The following PIP4K2B variants were observed in gnomAD, a reference collection of about 807,000 sequenced individuals.
PIP4K2B encodes phosphatidylinositol-5-phosphate 4-kinase type 2 beta.
PIP4K2B carries 3 observed loss-of-function variants against 42.0 expected under a neutral mutation model. The observed-to-expected ratio is 0.07, with a 90% CI of 0.03 to 0.18. PIP4K2B has a LOEUF of 0.18. Ranked by LOEUF, PIP4K2B falls within the 10% of genes least tolerant of loss-of-function variation. The probability of loss-of-function intolerance (pLI) is 1.00; values close to 1 mark genes in which losing one functional copy is unlikely to be tolerated. For missense variants in PIP4K2B, 332 were observed against 562.3 expected (o/e 0.59, Z 4.14); for synonymous variants, 204 against 210.1 (o/e 0.97, Z 0.25).
chr17:38,770,372 G>A (rs1274697934), intron 9 of PIP4K2B, 64 bp downstream of exon 9: 2 of 936,032 alleles, frequency 2.1e-6, no homozygotes, highest in East Asian at 2.4e-5. Context: ...CCTCCCTGGG[G>A]TCTGAGGGTA....
intron 6 of PIP4K2B, 111 bp downstream of exon 6, chr17:38,778,223 G>A (rs181411510): frequency 3.0e-5 from 28 of 920,898 alleles, no homozygotes; most frequent in Admixed American, 1.7e-4. Context: ...GTTGACAGAC[G>A]GCATGTCTGG....
chr17:38,774,449 T>C (rs1453952953), intron 7 of PIP4K2B, among the ~76,000 whole-genome samples: 1 of 152,138 alleles, frequency 6.6e-6, no homozygotes, highest in East Asian at 1.9e-4. Context: ...TTGGTATCCA[T>C]AATCCCATGA....
intron 3 of PIP4K2B, 126 bp downstream of exon 3, chr17:38,784,117 G>A (rs1909865728): frequency 9.6e-6 from 6 of 626,576 alleles, no homozygotes. Flanking sequence ...CGCCTGGGCT[G>A]GAGCAAGGCA....
chr17:38,798,557 C>T (rs1910770402), intron 1 of PIP4K2B, among the ~76,000 whole-genome samples: 1 of 152,200 alleles, frequency 6.6e-6, no homozygotes, highest in Admixed American at 6.5e-5. Context: ...CCTTCAAAAA[C>T]TATGGGAAGA....
At chr17:38,774,124 C>T (rs28648053) in intron 7 of PIP4K2B, among the ~76,000 whole-genome samples, 2 of 152,198 alleles carry the variant, frequency 1.3e-5, no homozygotes, top group African/African-American at 4.8e-5. Context: ...TGGAAGCAAC[C>T]TAAGTGTGAT....
chr17:38,795,099 CAAAAAAAA>C (rs61707682), intron 1 of PIP4K2B, among the ~76,000 whole-genome samples: 214 of 41,522 alleles, frequency 5.2e-3, no homozygotes, highest in African/African-American at 0.017. Flanking sequence ...AACTCCATCT[CAAAAAAAA>C]AAAAAAAAAA....
intron 1 of PIP4K2B, among the ~76,000 whole-genome samples, chr17:38,791,040 G>C (rs1311447798): frequency 3.9e-5 from 6 of 152,042 alleles, no homozygotes; most frequent in Admixed American, 1.3e-4. Context: ...ACATGCAAAA[G>C]AAACAGGAGG....
intron 1 of PIP4K2B, among the ~76,000 whole-genome samples, chr17:38,788,985 C>A (rs957363418): frequency 6.6e-6 from 1 of 151,386 alleles, no homozygotes; most frequent in Non-Finnish European, 1.5e-5. Context: ...CAGGCATAGT[C>A]GTGTACACCT....
At chr17:38,792,581 T>C (rs1410490121) in intron 1 of PIP4K2B, 1 of 152,240 alleles carries the variant, frequency 6.6e-6, no homozygotes, top group Non-Finnish European at 1.5e-5. Flanking sequence ...ATAGGAATTG[T>C]TACCTAGGAT....
Position 38,786,841 on chromosome 17 carries a change from T to A in PIP4K2B, c.239A>T (p.Asp80Val). The A allele has an allele frequency of 6.2e-7, 1 of 1,608,794 alleles. No homozygotes were observed. Among genetic ancestry groups the A allele is most frequent in the Non-Finnish European group, 8.5e-7 (1 of 1,175,112 alleles). Reference sequence around the variant, plus strand: ...AACTTACTTATTGAAGAGATGATTGTCCACCTTGATCTTGCTGTAGGCTTT... The same window carrying A: ...AACTTACTTATTGAAGAGATGATTGACCACCTTGATCTTGCTGTAGGCTTT... ...DFKAYSKIKV[D>V]NHLFNKENLP... Residue 80 changes from aspartate to valine, a missense_variant, in exon 2 of 10, where the codon GAC becomes GTC. Transcript: ENST00000619039.
rs908328435 is a variant in PIP4K2B at position 38,768,367 on chromosome 17, G to A, written c.*1324C>T. 2.0e-5 allele frequency: 3 copies of A among 152,850 alleles called. No homozygotes were observed. Among genetic ancestry groups the A allele is most frequent in the African/African-American group, 7.2e-5 (3 of 41,472 alleles). The allele number at this position is 152,850 out of a possible 1,614,324, so 9.5% of individuals were successfully genotyped here. A position where few individuals can be genotyped will look rare whatever the true frequency, so the allele number is the denominator to read the frequency against. On this transcript the variant is annotated 3_prime_UTR_variant, in exon 10 of 10. Transcript: ENST00000619039. Reference sequence around the variant, plus strand: ...CCACTCCTTCCAAAAAAGCCTGTGGGCTGCAGATCTGCTAAAAGTCTAGAG... The same window carrying A: ...CCACTCCTTCCAAAAAAGCCTGTGGACTGCAGATCTGCTAAAAGTCTAGAG...
chr17:38,778,619 T>G (rs1909502961), intron 5 of PIP4K2B, among the ~76,000 whole-genome samples: 1 of 152,210 alleles, frequency 6.6e-6, no homozygotes, highest in Non-Finnish European at 1.5e-5. Context: ...GCTACTTTCC[T>G]TCTAACAGGG....
chr17:38,783,455 TCC>T (rs1336719177), intron 3 of PIP4K2B, among the ~76,000 whole-genome samples: 2 of 151,984 alleles, frequency 1.3e-5, no homozygotes, highest in African/African-American at 4.8e-5. Context: ...GCAGACCAAC[TCC>T]CCACTCCCAC....
intron 1 of PIP4K2B, among the ~76,000 whole-genome samples, chr17:38,793,906 G>T (rs1313512867): frequency 1.3e-5 from 2 of 151,520 alleles, no homozygotes; most frequent in South Asian, 2.1e-4. Flanking sequence ...AAGAAAGAAA[G>T]AAAATGTATG....
intron 7 of PIP4K2B, among the ~76,000 whole-genome samples, chr17:38,773,261 G>A (rs188673182): frequency 1.1e-3 from 166 of 152,104 alleles, no homozygotes; most frequent in Non-Finnish European, 2.0e-3. Context: ...TTCAGCCCAG[G>A]TAAAAATAGA....
At chr17:38,772,743 A>G (rs1909115928) in intron 7 of PIP4K2B, among the ~76,000 whole-genome samples, 2 of 152,072 alleles carry the variant, frequency 1.3e-5, no homozygotes, top group Non-Finnish European at 2.9e-5. Context: ...CACCACACTC[A>G]GCTAATTTTT....
At chr17:38,787,513 TCA>T (rs1910098859) in intron 1 of PIP4K2B, among the ~76,000 whole-genome samples, 2 of 152,362 alleles carry the variant, frequency 1.3e-5, no homozygotes, top group South Asian at 2.1e-4. Flanking sequence ...TCTGGCCATC[TCA>T]CAGTCTCTCA....
intron 1 of PIP4K2B, among the ~76,000 whole-genome samples, chr17:38,794,174 T>C (rs1228470462): frequency 1.3e-5 from 2 of 152,212 alleles, no homozygotes; most frequent in African/African-American, 4.8e-5. Context: ...AATTCTGCTA[T>C]GTGCAACATG....
chr17:38,791,113 AATT>A, intron 1 of PIP4K2B, among the ~76,000 whole-genome samples: 1 of 152,184 alleles, frequency 6.6e-6, no homozygotes, highest in Non-Finnish European at 1.5e-5. Flanking sequence ...AGCAGTATGC[AATT>A]AAGTGAGAAT....
Sources: allele counts gnomAD v4.1 joint callset (sites outside exome capture counted in the v4.1 genomes callset), GRCh38; gene constraint gnomAD v4.1.1; transcripts MANE v1.5; gene names NCBI Gene and HGNC (gene_info 2026-07-23, HGNC 2026-07-21).